CCDC93: variants seen among roughly 807,000 people sequenced by gnomAD.
The protein encoded by CCDC93 is coiled-coil domain-containing protein 93.
CCDC93 carries 61 observed loss-of-function variants against 108.2 expected under a neutral mutation model. The observed-to-expected ratio is 0.56, with a 90% CI of 0.46 to 0.70. CCDC93 has a LOEUF of 0.70. Among genes scored for constraint, CCDC93 ranks in the 30% least tolerant of loss-of-function variants. CCDC93 has a pLI of 0.00. For missense variants in CCDC93, 685 were observed against 764.2 expected, an observed-to-expected ratio of 0.90 and a Z score of 1.22; for synonymous variants, 276 against 260.4, an observed-to-expected ratio of 1.06 and a Z score of -0.58.
At chr2:117,994,712 C>T (rs922649044) in intron 6 of CCDC93, among the ~76,000 whole-genome samples, 1 of 152,120 alleles carries the variant, frequency 6.6e-6, no homozygotes, top group East Asian at 1.9e-4. Flanking sequence ...ATTTGGGTGG[C>T]ATATTAATAC....
At chr2:117,929,013 A>C (rs1348768807) in intron 23 of CCDC93, among the ~76,000 whole-genome samples, 1 of 152,136 alleles carries the variant, frequency 6.6e-6, no homozygotes, top group Non-Finnish European at 1.5e-5. Context: ...TGCAAGGACA[A>C]AAAACTAAAC....
At chr2:117,973,151 C>T (rs889465182) in intron 11 of CCDC93, among the ~76,000 whole-genome samples, 1 of 152,084 alleles carries the variant, frequency 6.6e-6, no homozygotes, top group Non-Finnish European at 1.5e-5. Context: ...TGTGCAATCA[C>T]TTCAGAAGAA....
rs1679996764 is a variant in CCDC93, at chr2:117,977,980, A to G, written c.657+14T>C. 1 of 1,611,238 alleles carries G rather than the reference A, an allele frequency of 6.2e-7. No individual in the cohort carries two copies. The highest frequency in any genetic ancestry group is 1.1e-5 in the South Asian group (1 of 90,998). On this transcript the variant is annotated intron_variant, in intron 8 of 23. Transcript: ENST00000376300. The stretch of plus-strand genomic sequence containing the variant: ...CTCTCAAGTATTCTCTCTTACTATC[A>G]ATGTTTTTCTTACCTTCTCCATTTT...
intron 11 of CCDC93, among the ~76,000 whole-genome samples, chr2:117,960,150 CA>C (rs35937593): frequency 6.6e-6 from 1 of 152,144 alleles, no homozygotes; most frequent in Non-Finnish European, 1.5e-5. Context: ...CTTTGACTTC[CA>C]AAGTGTCATA....
intron 12 of CCDC93, among the ~76,000 whole-genome samples, chr2:117,952,979 C>A (rs186626360): frequency 1.3e-5 from 2 of 152,324 alleles, no homozygotes; most frequent in East Asian, 3.9e-4. Context: ...ACTGTTCCAA[C>A]TTACATAACT....
At chr2:117,935,919 A>C (rs919477787) in intron 21 of CCDC93, 16 of 180,476 alleles carry the variant, frequency 8.9e-5, no homozygotes, top group African/African-American at 3.5e-4. Context: ...GTACTGCATA[A>C]GTAATGAATT....
At chr2:118,006,538 T>C (rs1462434550) in intron 3 of CCDC93, among the ~76,000 whole-genome samples, 184 bp downstream of exon 3, 1 of 152,262 alleles carries the variant, frequency 6.6e-6, no homozygotes, top group Non-Finnish European at 1.5e-5. Flanking sequence ...CTACAAACTT[T>C]GATCTAGCTG....
chr2:117,926,446 A>G (rs1483107089), intron 23 of CCDC93, among the ~76,000 whole-genome samples: 6 of 152,096 alleles, frequency 3.9e-5, no homozygotes, highest in East Asian at 3.9e-4. Context: ...TATCACCACC[A>G]ATACCACAGA....
chr2:117,973,822 C>T, intron 11 of CCDC93, 86 bp downstream of exon 11: 1 of 1,008,876 alleles, frequency 9.9e-7, no homozygotes, highest in Non-Finnish European at 1.5e-6. Flanking sequence ...ACACGGGGCA[C>T]TGCTGGGGTA....
chr2:117,979,687 C>T (rs567104244), intron 7 of CCDC93, among the ~76,000 whole-genome samples: 3 of 152,284 alleles, frequency 2.0e-5, no homozygotes, highest in African/African-American at 7.2e-5. Flanking sequence ...AGTATGTCCA[C>T]CCTTTAGAAA....
intron 10 of CCDC93, 81 bp from the exon 11 acceptor site, chr2:117,974,075 C>G: frequency 2.3e-6 from 2 of 870,776 alleles, no homozygotes; most frequent in Non-Finnish European, 3.8e-6. Context: ...TCTATTATGT[C>G]TGAACACTCT....
chr2:117,972,819 G>A (rs1206738193), intron 11 of CCDC93, among the ~76,000 whole-genome samples: 4 of 152,122 alleles, frequency 2.6e-5, no homozygotes, highest in Non-Finnish European at 5.9e-5. Context: ...AATTTCAGAT[G>A]ACACTTTGAG....
rs17047628 is a variant in CCDC93, at chr2:117,996,104, T to C, written c.462+160A>G. Among the ~76,000 whole-genome samples, 380 of 152,268 alleles carry C rather than the reference T, an allele frequency of 2.5e-3. 12 individuals carry two copies. The East Asian group carries it at 0.065, about 26-fold the overall frequency. ...AAATTCAGAGAAGATGACAAAATTA[T>C]AGAGCTTTGCACTCAGTGGCTATGT... is the stretch of plus-strand genomic sequence containing the variant. On this transcript the variant is annotated intron_variant, in intron 5 of 23. Transcript: ENST00000376300.
Position 117,978,723 on chromosome 2 carries a change from C to T in CCDC93, c.621-693G>A, listed in dbSNP as rs573814203. Among the ~76,000 whole-genome samples the T allele has an allele frequency of 1.7e-3, 257 of 152,226 alleles. 2 individuals are homozygous for T. Among genetic ancestry groups the T allele is most frequent in the African/African-American group, 5.7e-3 (237 of 41,562 alleles). On this transcript the variant is annotated intron_variant, in intron 7 of 23. Coordinates refer to ENST00000376300, the MANE Select transcript of CCDC93 (RefSeq NM_019044.5). Reference sequence around the variant, plus strand: ...ACATTTAAGAACAAATTGAGCCAGGCGCGCTGGCTCACGCCTGCAAAGTGC... The same window carrying T: ...ACATTTAAGAACAAATTGAGCCAGGTGCGCTGGCTCACGCCTGCAAAGTGC...
intron 23 of CCDC93, among the ~76,000 whole-genome samples, chr2:117,929,531 C>T (rs1194204126): frequency 6.6e-6 from 1 of 152,222 alleles, no homozygotes; most frequent in Non-Finnish European, 1.5e-5. Context: ...TTTTCCATTT[C>T]ATTTTCAATT....
intron 15 of CCDC93, among the ~76,000 whole-genome samples, 183 bp from the exon 16 acceptor site, chr2:117,947,065 C>T (rs1678897144): frequency 6.6e-6 from 1 of 152,208 alleles, no homozygotes; most frequent in Non-Finnish European, 1.5e-5. Flanking sequence ...CAGGAGGCTA[C>T]AGGCAGCTAT....
chr2:117,939,727 A>G (rs1035614392), intron 19 of CCDC93, among the ~76,000 whole-genome samples: 6 of 152,146 alleles, frequency 3.9e-5, no homozygotes, highest in African/African-American at 1.4e-4. Context: ...CACATGAAGG[A>G]AGTGTGATCT....
Position 117,949,415 on chromosome 2 carries a change from C to A in CCDC93, c.1069-20G>T. 1.9e-6 allele frequency: 3 copies of A among 1,584,510 alleles called. No individual in the cohort carries two copies. The highest frequency in any genetic ancestry group is 2.6e-6 in the Non-Finnish European group (3 of 1,153,584). On this transcript the variant is annotated intron_variant, in intron 13 of 23. Coordinates refer to ENST00000376300, the MANE Select transcript of CCDC93 (RefSeq NM_019044.5). ...CTTCAGCTGCAAGAGAGAATGAAGA[C>A]ATGGTTGCTGGAGCCTTGGTAGCAG... is the stretch of plus-strand genomic sequence containing the variant.
chr2:117,963,520 G>A (rs899445073), intron 11 of CCDC93, among the ~76,000 whole-genome samples: 3 of 152,190 alleles, frequency 2.0e-5, no homozygotes, highest in Non-Finnish European at 4.4e-5. Context: ...TTCCAAAAAT[G>A]AAACTCAATA....
Sources: allele counts gnomAD v4.1 joint callset (sites outside exome capture counted in the v4.1 genomes callset), GRCh38; gene constraint gnomAD v4.1.1; transcripts MANE v1.5; gene names NCBI Gene and HGNC (gene_info 2026-07-23, HGNC 2026-07-21).